HSPA9: variants seen among roughly 807,000 people sequenced by gnomAD.
The protein encoded by HSPA9 is stress-70 protein, mitochondrial.
HSPA9 carries 28 observed loss-of-function variants against 81.5 expected under a neutral mutation model. That is an observed-to-expected ratio of 0.34 (90% CI 0.25 to 0.47). The LOEUF is 0.47. Among genes scored for constraint, HSPA9 ranks in the 20% least tolerant of loss-of-function variants. The pLI, the probability that HSPA9 is intolerant of heterozygous loss-of-function variation, is 1.00. For synonymous variants in HSPA9, 293 were observed against 290.4 expected (o/e 1.01, Z -0.09); for missense variants, 678 against 838.0 (o/e 0.81, Z 2.36).
rs552679874 is a variant in HSPA9 at position 138,575,358 on chromosome 5, T to A, written c.-40A>T. On this transcript the variant is annotated 5_prime_UTR_variant, in exon 1 of 17. Transcript: ENST00000297185. ...GGAGTACGAGGCAGCAAACAAGCGC[T>A]CCGACGGCAAAGAGCTGCGCGATGC... is the stretch of plus-strand genomic sequence containing the variant. 1 of 1,534,758 alleles carries A rather than the reference T, an allele frequency of 6.5e-7. No individual in the cohort carries two copies. Among genetic ancestry groups the A allele is most frequent in the Non-Finnish European group, 9.0e-7 (1 of 1,111,860 alleles).
chr5:138,567,103 T>C lies in HSPA9; in HGVS notation c.777A>G (p.Lys259=). 2 of 1,613,838 alleles carry C rather than the reference T, an allele frequency of 1.2e-6. No individual in the cohort carries two copies. Among genetic ancestry groups the C allele is most frequent in the East Asian group, 2.2e-5 (1 of 44,870 alleles). The change falls in exon 8 of 17, where the codon AAA becomes AAG. Residue 259 remains lysine (K), a synonymous_variant. Transcript: ENST00000297185. ...TTGTGGATTTCACCTCAAATACTCC[T>C]TTCTGAATTTCCAGGATAGAAATAT... ...TFDISILEIQ[K]GVFEVKSTNG...
rs567068480 is a variant in HSPA9 at position 138,563,459 on chromosome 5, C to G, written c.973-1670G>C. ...CAATGTTCTTTCCTTACCCTCCTCTCTCAAACCCAATCACTTGTGTCTTAC... is the reference window on the plus strand; with the variant it reads ...CAATGTTCTTTCCTTACCCTCCTCTGTCAAACCCAATCACTTGTGTCTTAC... On this transcript the variant is annotated intron_variant, in intron 9 of 16. Transcript: ENST00000297185. Among the ~76,000 whole-genome samples, 54 of 152,314 alleles carry G rather than the reference C, an allele frequency of 3.5e-4. 1 individual carries two copies. The highest frequency in any genetic ancestry group is 7.1e-4 in the Non-Finnish European group (48 of 68,022).
intron 14 of HSPA9, chr5:138,557,104 T>C: frequency 1.6e-6 from 1 of 608,682 alleles, no homozygotes; most frequent in Non-Finnish European, 2.9e-6. Context: ...ACTGCAAACA[T>C]AAGGTATAAA....
chr5:138,560,891 C>CT lies in HSPA9; in HGVS notation c.1182+688dup, dbSNP rs200454021. The CT allele has an allele frequency of 1.8e-3, 710 of 402,390 alleles. 5 individuals carry two copies. Among genetic ancestry groups the CT allele is most frequent in the African/African-American group, 0.014 (602 of 44,314 alleles). The allele number at this position is 402,390 out of a possible 1,614,324, so 24.9% of individuals were successfully genotyped here. A position where few individuals can be genotyped will look rare whatever the true frequency, so the allele number is the denominator to read the frequency against. Reference sequence around the variant, plus strand: ...ATGAGGCATCCACCTGGTCCAGGACCTTTTTTTTCCAGGTTCATTTTTTTT... The same window carrying CT: ...ATGAGGCATCCACCTGGTCCAGGACCTTTTTTTTTCCAGGTTCATTTTTTTT... On this transcript the variant is annotated intron_variant, in intron 10 of 16. Coordinates refer to ENST00000297185, the MANE Select transcript of HSPA9 (RefSeq NM_004134.7).
At chr5:138,556,317 G>T (rs1027833556) in intron 16 of HSPA9, 135 bp downstream of exon 16, 2 of 1,197,988 alleles carry the variant, frequency 1.7e-6, no homozygotes, top group Admixed American at 3.4e-5. Flanking sequence ...GAGTCAAGAC[G>T]GCAGGAGACT....
intron 14 of HSPA9, 158 bp downstream of exon 14, chr5:138,557,244 C>A: frequency 4.4e-6 from 3 of 680,888 alleles, no homozygotes; most frequent in Non-Finnish European, 5.4e-6. Flanking sequence ...GGACTGCAGG[C>A]GTGCACCACC....
Position 138,574,061 on chromosome 5 carries a change from T to G in HSPA9, c.140+7A>C, listed in dbSNP as rs375373911. 3.7e-6 allele frequency: 6 copies of G among 1,605,952 alleles called. No homozygotes were observed. ...TTCCCTCTCAAAGGAAATGATATTA[T>G]ACTTACGCATAATCCCGCCTTGAAA... On this transcript the variant is annotated splice_region_variant and intron_variant, in intron 2 of 16. Coordinates refer to ENST00000297185, the MANE Select transcript of HSPA9 (RefSeq NM_004134.7).
intron 9 of HSPA9, among the ~76,000 whole-genome samples, chr5:138,563,013 T>C (rs913036418): frequency 1.3e-5 from 2 of 152,240 alleles, no homozygotes; most frequent in Admixed American, 1.3e-4. Context: ...GAGTGAGTCC[T>C]TAACCACCTT....
At chr5:138,570,014 A>G (rs1750844080) in intron 4 of HSPA9, among the ~76,000 whole-genome samples, 1 of 151,222 alleles carries the variant, frequency 6.6e-6, no homozygotes, top group African/African-American at 2.4e-5. Context: ...AGTAGCTGGG[A>G]CTATAGGCGC....
At chr5:138,559,653 C>T in intron 11 of HSPA9, 5 of 545,268 alleles carry the variant, frequency 9.2e-6, no homozygotes, top group Non-Finnish European at 1.7e-5. Context: ...ATAATCATCA[C>T]TACCAGCTAA....
At chr5:138,560,663 C>T in intron 10 of HSPA9, 1 of 218,604 alleles carries the variant, frequency 4.6e-6, no homozygotes, top group East Asian at 1.2e-4. Context: ...TGCGTTCACG[C>T]CATTCTCCTA....
intron 3 of HSPA9, among the ~76,000 whole-genome samples, chr5:138,572,515 T>C (rs549000973): frequency 9.2e-5 from 14 of 152,324 alleles, no homozygotes; most frequent in Admixed American, 3.9e-4. Flanking sequence ...ATGTTGTTCA[T>C]TGGAGCAGGC....
chr5:138,575,288 G>A lies in HSPA9; in HGVS notation c.31C>T (p.Arg11Cys). 3 of 1,612,070 alleles carry A rather than the reference G, an allele frequency of 1.9e-6. No homozygotes were observed. Among genetic ancestry groups the A allele is most frequent in the South Asian group, 1.1e-5 (1 of 90,824 alleles). Residue 11 changes from arginine (R) to cysteine (C), a missense_variant, in exon 1 of 17, where the codon CGT becomes TGT. Around this residue, in one of 4 missense-constraint regions of HSPA9, gnomAD observed 89 missense variants for 70.4 expected, o/e 1.27. Coordinates refer to ENST00000297185, the MANE Select transcript of HSPA9 (RefSeq NM_004134.7). ...CGGGAGGCTGCGGCGCCCACGAGAC[G>A]GGCTGCTGCAGCTCGGCTGGCACTT... The part of the protein sequence containing the change: MISASRAAAA[R>C]LVGAAASRGP...
chr5:138,569,425 C>T (rs528303492), intron 4 of HSPA9, among the ~76,000 whole-genome samples: 21 of 152,324 alleles, frequency 1.4e-4, no homozygotes, highest in African/African-American at 5.1e-4. Context: ...CACACAAAAA[C>T]TTGTACACAA....
At chr5:138,574,316 C>G in intron 1 of HSPA9, 190 bp from the exon 2 acceptor site, 2 of 635,946 alleles carry the variant, frequency 3.1e-6, no homozygotes, top group South Asian at 3.6e-5. Flanking sequence ...AGTAGGATTT[C>G]TCAACCGTGG....
chr5:138,558,736 T>C, intron 11 of HSPA9, 79 bp from the exon 12 acceptor site: 2 of 903,822 alleles, frequency 2.2e-6, no homozygotes, highest in Non-Finnish European at 3.7e-6. Flanking sequence ...AAGCCAAAGG[T>C]TTACATTCCA....
At chr5:138,570,905 C>G in intron 4 of HSPA9, 55 bp downstream of exon 4, 2 of 1,454,730 alleles carry the variant, frequency 1.4e-6, no homozygotes, top group South Asian at 1.1e-5. Flanking sequence ...TGAGGCTCTT[C>G]TGTGTGGCCC....
Position 138,556,122 on chromosome 5 carries a change from G to A in HSPA9, c.1963-8C>T. On this transcript the variant is annotated splice_region_variant and splice_polypyrimidine_tract_variant and intron_variant, in intron 16 of 16. Coordinates refer to ENST00000297185, the MANE Select transcript of HSPA9 (RefSeq NM_004134.7). The stretch of plus-strand genomic sequence containing the variant: ...TTCTCGCTCAGATGCCATCTGTTAA[G>A]AAAACATTTGAGAGCCACTCAGATT... 1 of 1,611,130 alleles carries A rather than the reference G, an allele frequency of 6.2e-7. No individual in the cohort carries two copies. The highest frequency in any genetic ancestry group is 2.2e-5 in the East Asian group (1 of 44,862).
At position 138,555,881 on chromosome 5, in the gene HSPA9, A is replaced by AG. The variant is rs1468487894; in HGVS notation, c.*155dup. 2.9e-5 allele frequency: 19 copies of AG among 664,642 alleles called. No individual in the cohort carries two copies. Among genetic ancestry groups the AG allele is most frequent in the Non-Finnish European group, 4.6e-5 (17 of 370,904 alleles). The allele number at this position is 664,642 out of a possible 1,614,324, so 41.2% of individuals were successfully genotyped here. A position where few individuals can be genotyped will look rare whatever the true frequency, so the allele number is the denominator to read the frequency against. On this transcript the variant is annotated 3_prime_UTR_variant, in exon 17 of 17. Coordinates refer to ENST00000297185, the MANE Select transcript of HSPA9 (RefSeq NM_004134.7). ...AATCACTGTCCATTAAATGATCACT[A>AG]GCTAATGGTCACTAAATTTACAAAT...
Sources: allele counts gnomAD v4.1 joint callset (sites outside exome capture counted in the v4.1 genomes callset), GRCh38; gene constraint gnomAD v4.1.1; regional missense constraint gnomAD v4.1.1; transcripts MANE v1.5; gene names NCBI Gene and HGNC (gene_info 2026-07-23, HGNC 2026-07-21).